The following TMEM132B variants were observed in gnomAD, a reference collection of about 807,000 sequenced individuals.
TMEM132B encodes transmembrane protein 132B.
In TMEM132B, 18 loss-of-function variants were observed where a neutral mutation model predicts 90.8. The ratio of observed to expected loss-of-function variants is 0.20; its 90% CI spans 0.14 to 0.29. The LOEUF (loss-of-function observed/expected upper bound fraction) is 0.29, where lower values mean the gene tolerates loss of function less well. TMEM132B is among the 10% of genes least tolerant of loss of function. TMEM132B has a pLI of 1.00. For missense variants in TMEM132B, 1,096 were observed against 1,326.8 expected (o/e 0.83, Z 2.70); for synonymous variants, 504 against 523.3 (o/e 0.96, Z 0.50).
Position 125,418,857 on chromosome 12 carries a change from T to C in TMEM132B, c.1106+3180T>C, listed in dbSNP as rs541451992. Among the ~76,000 whole-genome samples, 3 of 152,128 alleles carry C rather than the reference T, an allele frequency of 2.0e-5. No homozygotes were observed. The South Asian group carries it at 6.2e-4, about 32-fold the overall frequency. On this transcript the variant is annotated intron_variant, in intron 3 of 8. Coordinates refer to ENST00000682704, the MANE Select transcript of TMEM132B (RefSeq NM_001366854.1). The stretch of plus-strand genomic sequence containing the variant: ...AAGATGAAAACCACAAGATAAAGAG[T>C]GGTGTTGCCAAAAGAGGAGAAGGAG...
intron 4 of TMEM132B, among the ~76,000 whole-genome samples, chr12:125,563,628 G>A (rs992400867): frequency 3.3e-5 from 5 of 151,708 alleles, no homozygotes; most frequent in African/African-American, 1.2e-4. Context: ...TCTGTGAGGT[G>A]CAATAAGGTG....
At chr12:125,515,245 C>T (rs1427696202) in intron 3 of TMEM132B, among the ~76,000 whole-genome samples, 1 of 144,542 alleles carries the variant, frequency 6.9e-6, no homozygotes, top group East Asian at 2.2e-4. Flanking sequence ...CACATGCATT[C>T]TCACACACAC....
At chr12:125,323,458 C>CAAAG (rs1876482444) in intron 1 of TMEM132B, among the ~76,000 whole-genome samples, 1 of 92,256 alleles carries the variant, frequency 1.1e-5, no homozygotes, top group Non-Finnish European at 2.2e-5. Flanking sequence ...CAAAAACAAA[C>CAAAG]AAAAAACAAA....
intron 2 of TMEM132B, among the ~76,000 whole-genome samples, chr12:125,396,031 T>C (rs1291516361): frequency 2.0e-5 from 3 of 152,224 alleles, no homozygotes; most frequent in Admixed American, 6.5e-5. Flanking sequence ...CCAATCACTC[T>C]GTCAGGAGGA....
intron 1 of TMEM132B, among the ~76,000 whole-genome samples, chr12:125,268,764 A>G (rs1874753219): frequency 6.6e-6 from 1 of 152,224 alleles, no homozygotes; most frequent in African/African-American, 2.4e-5. Context: ...AGTTTGAGAC[A>G]TGAAAATGTT....
chr12:125,201,100 A>C (rs560112923), intron 1 of TMEM132B, among the ~76,000 whole-genome samples: 3 of 150,732 alleles, frequency 2.0e-5, no homozygotes, highest in Admixed American at 1.3e-4. Flanking sequence ...TCCACCCACC[A>C]CCCCCCATGC....
Position 125,657,733 on chromosome 12 carries a change from C to T in TMEM132B, c.*3023C>T, listed in dbSNP as rs1043595193. The T allele has an allele frequency of 6.6e-6, 1 of 152,136 alleles. No individual in the cohort carries two copies. Among genetic ancestry groups the T allele is most frequent in the African/African-American group, 2.4e-5 (1 of 41,418 alleles). The allele number at this position is 152,136 out of a possible 1,614,324, so 9.4% of individuals were successfully genotyped here. A position where few individuals can be genotyped will look rare whatever the true frequency, so the allele number is the denominator to read the frequency against. Reference sequence around the variant, plus strand: ...CCTGAACCAAACATTTATAAAGTCCCTTCCTCTCCCATGGGAATGGAATGC... The same window carrying T: ...CCTGAACCAAACATTTATAAAGTCCTTTCCTCTCCCATGGGAATGGAATGC... On this transcript the variant is annotated 3_prime_UTR_variant, in exon 9 of 9. Transcript: ENST00000682704.
At chr12:125,383,407 G>A (rs1007109483) in intron 2 of TMEM132B, among the ~76,000 whole-genome samples, 11 of 152,160 alleles carry the variant, frequency 7.2e-5, no homozygotes, top group African/African-American at 2.4e-4. Flanking sequence ...TCACTAAGGT[G>A]GAAAATCAAT....
chr12:125,633,654 CTG>C (rs1305919061), intron 5 of TMEM132B, among the ~76,000 whole-genome samples: 2 of 152,108 alleles, frequency 1.3e-5, no homozygotes, highest in Non-Finnish European at 2.9e-5. Context: ...CCCAGTAATG[CTG>C]TGTTTCTTGC....
At chr12:125,472,377 A>T (rs1566046519) in intron 3 of TMEM132B, among the ~76,000 whole-genome samples, 3 of 152,186 alleles carry the variant, frequency 2.0e-5, no homozygotes, top group African/African-American at 7.2e-5. Context: ...CACTGTAGTG[A>T]TAATTCAGGC....
At chr12:125,566,835 CTTTTTTTTTTTTTTTTTTTTT>C (rs869196346) in intron 4 of TMEM132B, among the ~76,000 whole-genome samples, 1 of 78,738 alleles carries the variant, frequency 1.3e-5, no homozygotes, top group Non-Finnish European at 2.2e-5. Flanking sequence ...TCTTCTTCTT[CTTTTTTTTTTTTTTTTTTTTT>C]TTTTTTAGAT....
intron 4 of TMEM132B, among the ~76,000 whole-genome samples, chr12:125,573,107 G>C (rs1311606027): frequency 6.6e-6 from 1 of 152,130 alleles, no homozygotes; most frequent in Non-Finnish European, 1.5e-5. Flanking sequence ...AAGGAGCTCT[G>C]TTTTCTTTTA....
chr12:125,601,456 G>A (rs1885569736), intron 5 of TMEM132B, among the ~76,000 whole-genome samples: 2 of 152,208 alleles, frequency 1.3e-5, no homozygotes, highest in Non-Finnish European at 2.9e-5. Flanking sequence ...CTGGGACACA[G>A]CTAAAGGAGT....
rs370113816 is a variant in TMEM132B, at chr12:125,202,924, A to G, written c.67+16058A>G. Among the ~76,000 whole-genome samples the G allele has an allele frequency of 8.5e-5, 13 of 152,302 alleles. No homozygotes were observed. In the South Asian group the frequency reaches 2.7e-3, roughly 32 times the overall value. On this transcript the variant is annotated intron_variant, in intron 1 of 8. Transcript: ENST00000682704. ...ATGAACTTCCCCAGTACGTGATCCA[A>G]CACATTTCTTTTTCTTAATTGGGTT...
At chr12:125,446,145 T>A (rs139880153) in intron 3 of TMEM132B, among the ~76,000 whole-genome samples, 213 of 152,352 alleles carry the variant, frequency 1.4e-3, no homozygotes, top group African/African-American at 5.1e-3. Flanking sequence ...CCATTATAGT[T>A]AATAGTTATT....
intron 3 of TMEM132B, among the ~76,000 whole-genome samples, chr12:125,512,521 GC>G (rs1257996571): frequency 6.6e-6 from 1 of 152,178 alleles, no homozygotes; most frequent in Non-Finnish European, 1.5e-5. Flanking sequence ...CTTAGAGTAT[GC>G]CCAGTTGGCA....
At chr12:125,313,167 T>G (rs956666563) in intron 1 of TMEM132B, among the ~76,000 whole-genome samples, 2 of 152,082 alleles carry the variant, frequency 1.3e-5, no homozygotes, top group Admixed American at 1.3e-4. Context: ...AATGGGGACA[T>G]AGAAATACCT....
chr12:125,551,215 A>G (rs1212037754), intron 4 of TMEM132B, among the ~76,000 whole-genome samples: 1 of 152,182 alleles, frequency 6.6e-6, no homozygotes, highest in Non-Finnish European at 1.5e-5. Context: ...TATTTTTCAT[A>G]CTTAATTCTT....
chr12:125,517,472 G>A (rs552210677), intron 3 of TMEM132B, among the ~76,000 whole-genome samples: 18 of 151,654 alleles, frequency 1.2e-4, no homozygotes, highest in Middle Eastern at 3.4e-3. Context: ...GATTACAGGC[G>A]TGAGCCACCA....
Sources: allele counts gnomAD v4.1 joint callset (sites outside exome capture counted in the v4.1 genomes callset), GRCh38; gene constraint gnomAD v4.1.1; transcripts MANE v1.5; gene names NCBI Gene and HGNC (gene_info 2026-07-23, HGNC 2026-07-21).